The following PSPH variants were observed in gnomAD, a reference collection of about 807,000 sequenced individuals.
PSPH encodes phosphoserine phosphatase.
PSPH carries 16 observed loss-of-function variants against 23.4 expected under a neutral mutation model. The observed-to-expected ratio is 0.68, with a 90% CI of 0.46 to 1.04. The LOEUF (loss-of-function observed/expected upper bound fraction) is 1.04. Among genes scored for constraint, PSPH ranks in the 50% least tolerant of loss-of-function variants. The pLI is 0.00. For missense variants in PSPH, 223 were observed against 273.7 expected, an observed-to-expected ratio of 0.81 and a Z score of 1.31; for synonymous variants, 68 against 99.7, an observed-to-expected ratio of 0.68 and a Z score of 1.89.
intron 3 of PSPH, among the ~76,000 whole-genome samples, chr7:56,022,302 C>G (rs1348917412): frequency 2.6e-5 from 4 of 152,068 alleles, no homozygotes; most frequent in Non-Finnish European, 4.4e-5. Context: ...CCACTGCACT[C>G]CAGCCTGGGC....
chr7:56,021,500 C>A (rs1789436452), intron 3 of PSPH, among the ~76,000 whole-genome samples: 1 of 151,564 alleles, frequency 6.6e-6, no homozygotes, highest in Non-Finnish European at 1.5e-5. Context: ...CTTACTGCAA[C>A]CTCCACCACT....
intron 2 of PSPH, chr7:56,033,404 A>G (rs1791296435): frequency 6.6e-6 from 1 of 151,748 alleles, no homozygotes; most frequent in East Asian, 1.9e-4. Flanking sequence ...AGGCTGAGGC[A>G]GGAGAATCCC....
chr7:56,012,315 C>T (rs1248218110), intron 7 of PSPH, among the ~76,000 whole-genome samples: 2 of 152,132 alleles, frequency 1.3e-5, no homozygotes, highest in Non-Finnish European at 2.9e-5. Flanking sequence ...CCTCAGCCTC[C>T]TGAGTAGCCG....
intron 1 of PSPH, among the ~76,000 whole-genome samples, chr7:56,047,571 C>T (rs1343708894): frequency 1.3e-5 from 2 of 151,914 alleles, no homozygotes; most frequent in Non-Finnish European, 2.9e-5. Context: ...TTAACATCAC[C>T]AGGAATGAGA....
intron 3 of PSPH, among the ~76,000 whole-genome samples, chr7:56,028,451 T>C (rs1421090245): frequency 6.6e-6 from 1 of 152,096 alleles, no homozygotes; most frequent in Non-Finnish European, 1.5e-5. Context: ...AGGCCGGTCT[T>C]GAATTCCTGG....
intron 3 of PSPH, among the ~76,000 whole-genome samples, chr7:56,031,169 C>G (rs1165693877): frequency 3.3e-5 from 5 of 151,452 alleles, no homozygotes; most frequent in Non-Finnish European, 7.4e-5. Context: ...CGAGATTCCG[C>G]CACTGCAGTC....
At chr7:56,012,778 A>T (rs1236804133) in intron 7 of PSPH, among the ~76,000 whole-genome samples, 1 of 145,462 alleles carries the variant, frequency 6.9e-6, no homozygotes, top group Admixed American at 6.9e-5. Flanking sequence ...GTATTTTTGT[A>T]GAGACGGGGT....
Position 56,011,626 on chromosome 7 carries a change from CTG to C in PSPH, c.*134_*135del, listed in dbSNP as rs983617751. The C allele has an allele frequency of 1.1e-5, 6 of 558,062 alleles. No individual in the cohort carries two copies. The Admixed American group carries it at 1.6e-4, about 15-fold the overall frequency. The allele number at this position is 558,062 out of a possible 1,614,324, so 34.6% of individuals were successfully genotyped here. ...AAAAGCAATCTTCTAGGATTCCTAA[CTG>C]TAGTTTAAAGTACAGATCATTTGTA... On this transcript the variant is annotated 3_prime_UTR_variant, in exon 8 of 8. Transcript: ENST00000275605.
chr7:56,037,026 T>C (rs374503532), intron 1 of PSPH, among the ~76,000 whole-genome samples: 5 of 152,026 alleles, frequency 3.3e-5, no homozygotes, highest in South Asian at 4.2e-4. Context: ...ATACAAAAAG[T>C]AGCCAGGCCT....
intron 1 of PSPH, among the ~76,000 whole-genome samples, chr7:56,037,320 G>T (rs1366723141): frequency 2.6e-5 from 4 of 152,030 alleles, no homozygotes; most frequent in Admixed American, 2.6e-4. Flanking sequence ...TAATGAAGGT[G>T]TAATAAAAAT....
At chr7:56,031,579 G>A (rs543379353) in intron 3 of PSPH, among the ~76,000 whole-genome samples, 2 of 152,254 alleles carry the variant, frequency 1.3e-5, no homozygotes, top group Non-Finnish European at 2.9e-5. Flanking sequence ...TTGGGAGGCC[G>A]AGGTGGATGG....
chr7:56,042,801 T>G (rs1484284184), intron 1 of PSPH, among the ~76,000 whole-genome samples: 1 of 151,770 alleles, frequency 6.6e-6, no homozygotes. Flanking sequence ...CTAGGAAACA[T>G]ATTGAGACAC....
chr7:56,021,684 C>T (rs1218400544), intron 3 of PSPH, among the ~76,000 whole-genome samples: 3 of 150,794 alleles, frequency 2.0e-5, no homozygotes, highest in Admixed American at 1.3e-4. Flanking sequence ...CGCGGTGGCT[C>T]AGGCCTGTAA....
Position 56,021,203 on chromosome 7 carries a change from G to A in PSPH, c.10C>T (p.His4Tyr). 6.2e-7 allele frequency: 1 copy of A among 1,614,136 alleles called. No homozygotes were observed. Among genetic ancestry groups the A allele is most frequent in the South Asian group, 1.1e-5 (1 of 91,082 alleles). The stretch of plus-strand genomic sequence containing the variant: ...TAGAAAAGCTTCCTCAGCTCTGAGT[G>A]GGAGACCATCGCTGGAAGAATTTTC... The part of the protein sequence containing the change: MVS[H>Y]SELRKLFYSA... The change falls in exon 4 of 8, where the codon CAC becomes TAC. Residue 4 changes from histidine to tyrosine, a missense_variant. Coordinates refer to ENST00000275605, the MANE Select transcript of PSPH (RefSeq NM_004577.4).
rs1790154390 is a variant in PSPH at position 56,026,128 on chromosome 7, CATGAATTAAATATTTT to C, written c.-19-4913_-19-4898del. Among the ~76,000 whole-genome samples, 4 of 152,192 alleles carry C rather than the reference CATGAATTAAATATTTT, an allele frequency of 2.6e-5. No homozygotes were observed. In the South Asian group the frequency reaches 8.3e-4, roughly 32 times the overall value. On this transcript the variant is annotated intron_variant, in intron 3 of 7. Coordinates refer to ENST00000275605, the MANE Select transcript of PSPH (RefSeq NM_004577.4). ...CCCAATAGGTGTTAGTTAAATGTTT[CATGAATTAAATATTTT>C]ATGAATTAAATAGAGTTGAACCTAA...
chr7:56,022,145 T>A (rs189368566), intron 3 of PSPH, among the ~76,000 whole-genome samples: 1 of 152,030 alleles, frequency 6.6e-6, no homozygotes, highest in African/African-American at 2.4e-5. Context: ...GTGGGCAACA[T>A]AGAGAGACCA....
intron 1 of PSPH, among the ~76,000 whole-genome samples, chr7:56,044,372 A>T (rs1248256617): frequency 6.6e-6 from 1 of 152,164 alleles, no homozygotes; most frequent in African/African-American, 2.4e-5. Flanking sequence ...CTAAGACTAA[A>T]TAAACCCAGG....
intron 3 of PSPH, among the ~76,000 whole-genome samples, chr7:56,028,088 A>C (rs572177630): frequency 5.7e-4 from 86 of 151,892 alleles, no homozygotes; most frequent in Non-Finnish European, 1.1e-3. Flanking sequence ...TTGAGTTTGA[A>C]AGGAAAGGTA....
intron 1 of PSPH, among the ~76,000 whole-genome samples, chr7:56,035,444 G>A (rs563925790): frequency 6.6e-6 from 1 of 152,138 alleles, no homozygotes; most frequent in South Asian, 2.1e-4. Context: ...GGAGTTAGCT[G>A]GCTGGAGCTG....
Sources: allele counts gnomAD v4.1 joint callset (sites outside exome capture counted in the v4.1 genomes callset), GRCh38; gene constraint gnomAD v4.1.1; transcripts MANE v1.5; gene names NCBI Gene and HGNC (gene_info 2026-07-23, HGNC 2026-07-21).